The following EPB41L5 variants were observed in gnomAD, a reference collection of about 807,000 sequenced individuals.
The protein encoded by EPB41L5 is erythrocyte membrane protein band 4.1 like 5.
Under a neutral mutation model 106.6 loss-of-function variants are expected in EPB41L5, and 55 were observed. The observed-to-expected ratio is 0.52, with a 90% CI of 0.42 to 0.65. The LOEUF (loss-of-function observed/expected upper bound fraction) is 0.65. EPB41L5 is among the 30% of genes least tolerant of loss of function. The probability of loss-of-function intolerance (pLI) is 0.00; values close to 1 mark genes in which losing one functional copy is unlikely to be tolerated. For missense variants in EPB41L5, 871 were observed against 882.1 expected (o/e 0.99, Z 0.16); for synonymous variants, 297 against 306.7 (o/e 0.97, Z 0.33).
At chr2:120,055,832 A>G (rs186378679) in intron 3 of EPB41L5, among the ~76,000 whole-genome samples, 24 of 152,174 alleles carry the variant, frequency 1.6e-4, no homozygotes, top group Admixed American at 1.0e-3. Context: ...GAACGTGTTT[A>G]TTAGTTTTAA....
At chr2:120,095,919 C>G (rs1361527217) in intron 14 of EPB41L5, among the ~76,000 whole-genome samples, 1 of 152,146 alleles carries the variant, frequency 6.6e-6, no homozygotes, top group African/African-American at 2.4e-5. Flanking sequence ...ATCCGCCTGT[C>G]TCGGCCTCCC....
intron 16 of EPB41L5, among the ~76,000 whole-genome samples, chr2:120,122,412 G>T (rs1685260247): frequency 6.6e-6 from 1 of 152,162 alleles, no homozygotes; most frequent in Non-Finnish European, 1.5e-5. Flanking sequence ...AGTTTTCCCA[G>T]CACCGTTTAT....
chr2:120,074,080 T>G lies in EPB41L5; in HGVS notation c.329-20T>G, dbSNP rs1448411688. On this transcript the variant is annotated intron_variant, in intron 4 of 24. Coordinates refer to ENST00000263713, the MANE Select transcript of EPB41L5 (RefSeq NM_020909.4). Reference sequence around the variant, plus strand: ...TAAGTAGTTTATTTTATTAAAACCTTTTTTTTTTTTAAATGACAGTTGGTT... The same window carrying G: ...TAAGTAGTTTATTTTATTAAAACCTGTTTTTTTTTTAAATGACAGTTGGTT... 3 of 1,434,126 alleles carry G rather than the reference T, an allele frequency of 2.1e-6. No individual in the cohort carries two copies. In the East Asian group the frequency reaches 7.4e-5, roughly 36 times the overall value. 88.8% of individuals were successfully genotyped at this position (1,434,126 alleles called of 1,614,324 possible). A position where few individuals can be genotyped will look rare whatever the true frequency, so the allele number is the denominator to read the frequency against.
At chr2:120,062,288 AAC>A (rs1681136671) in intron 3 of EPB41L5, among the ~76,000 whole-genome samples, 1 of 152,224 alleles carries the variant, frequency 6.6e-6, no homozygotes, top group South Asian at 2.1e-4. Flanking sequence ...TGTATATTGT[AAC>A]ACACATATTT....
At chr2:120,092,470 A>G (rs1217180382) in intron 13 of EPB41L5, among the ~76,000 whole-genome samples, 1 of 152,242 alleles carries the variant, frequency 6.6e-6, no homozygotes, top group Non-Finnish European at 1.5e-5. Context: ...CTTGCTGATT[A>G]AGATCAGTTA....
chr2:120,026,574 T>G lies in EPB41L5; in HGVS notation c.180+7310T>G, dbSNP rs555230401. 2.0e-4 allele frequency among the ~76,000 whole-genome samples: 30 copies of G among 152,272 alleles called. No homozygotes were observed. In the East Asian group the frequency reaches 5.6e-3, roughly 28 times the overall value. On this transcript the variant is annotated intron_variant, in intron 2 of 24. Coordinates refer to ENST00000263713, the MANE Select transcript of EPB41L5 (RefSeq NM_020909.4). ...AGTAGAGACGGGATTTCACCATGTT[T>G]GCCAGGCTAGTCTTGAACTCCTGAC...
In EPB41L5 at chr2:120,090,482, G is replaced by C. The variant is rs755549330; in HGVS notation, c.1009G>C (p.Gly337Arg). 1 of 1,613,120 alleles carries C rather than the reference G, an allele frequency of 6.2e-7. No homozygotes were observed. Among genetic ancestry groups the C allele is most frequent in the Non-Finnish European group, 8.5e-7 (1 of 1,179,624 alleles). Residue 337 changes from glycine (G) to arginine (R), a missense_variant, in exon 12 of 25, where the codon GGA becomes CGA. Coordinates refer to ENST00000263713, the MANE Select transcript of EPB41L5 (RefSeq NM_020909.4). ...GPVQKSSHRS[G>R]FIRLGSRFRY... The stretch of plus-strand genomic sequence containing the variant: ...CGTCCAAAAGAGTTCTCATCGATCA[G>C]GATTTATTCGACTAGGATCACGATT...
At chr2:120,143,181 T>C in intron 19 of EPB41L5, 50 bp downstream of exon 19, 1 of 1,481,478 alleles carries the variant, frequency 6.8e-7, no homozygotes, top group Non-Finnish European at 9.0e-7. Flanking sequence ...GAGCATGGGA[T>C]GTAGAGAGTT....
Position 120,042,030 on chromosome 2 carries a change from T to C in EPB41L5, c.205T>C (p.Phe69Leu). Residue 69 changes from phenylalanine to leucine, a missense_variant, in exon 3 of 25, where the codon TTT (phenylalanine) becomes CTT (leucine). Coordinates refer to ENST00000263713, the MANE Select transcript of EPB41L5 (RefSeq NM_020909.4). The stretch of plus-strand genomic sequence containing the variant: ...GAAAAAAGCCAAAGGACAAGAGTTG[T>C]TTGATCAGATTATGTACCACCTGGA... ...LPKKAKGQELFDQIMYHLDLI... is the reference protein window; with the variant it reads ...LPKKAKGQELLDQIMYHLDLI... 6.2e-7 allele frequency: 1 copy of C among 1,612,272 alleles called. No individual in the cohort carries two copies. Among genetic ancestry groups the C allele is most frequent in the South Asian group, 1.1e-5 (1 of 90,708 alleles).
intron 14 of EPB41L5, among the ~76,000 whole-genome samples, chr2:120,099,125 G>A (rs9636356): frequency 0.64 from 97,823 of 152,064 alleles, 32,631 homozygotes; most frequent in Middle Eastern, 0.74. Context: ...CAGTGCTGTC[G>A]TTAAATCTGT....
intron 23 of EPB41L5, 107 bp from the exon 24 acceptor site, chr2:120,167,770 C>T: frequency 7.3e-7 from 1 of 1,360,626 alleles, no homozygotes; most frequent in Non-Finnish European, 1.0e-6. Flanking sequence ...ATTATCAAAA[C>T]CATCTTCGTT....
chr2:120,038,389 G>A (rs952952010), intron 2 of EPB41L5, among the ~76,000 whole-genome samples: 32 of 152,304 alleles, frequency 2.1e-4, no homozygotes, highest in African/African-American at 6.3e-4. Flanking sequence ...ATGTTGGCAA[G>A]GATGTGGAAG....
At chr2:120,161,588 T>C (rs1687143133) in intron 21 of EPB41L5, among the ~76,000 whole-genome samples, 1 of 152,198 alleles carries the variant, frequency 6.6e-6, no homozygotes, top group African/African-American at 2.4e-5. Flanking sequence ...TAAGTGCTTC[T>C]TAGATGAAAG....
chr2:120,123,006 A>G (rs1322311195), intron 16 of EPB41L5, among the ~76,000 whole-genome samples: 1 of 152,052 alleles, frequency 6.6e-6, no homozygotes, highest in African/African-American at 2.4e-5. Context: ...TTACACATTG[A>G]TTTTTGTATC....
chr2:120,126,066 GT>G (rs1418112616), intron 16 of EPB41L5, among the ~76,000 whole-genome samples: 1 of 152,078 alleles, frequency 6.6e-6, no homozygotes, highest in Non-Finnish European at 1.5e-5. Flanking sequence ...AAGAATATCA[GT>G]CATAGCGGAT....
chr2:120,175,078 T>C lies in EPB41L5; in HGVS notation c.*171T>C. On this transcript the variant is annotated 3_prime_UTR_variant, in exon 25 of 25. Coordinates refer to ENST00000263713, the MANE Select transcript of EPB41L5 (RefSeq NM_020909.4). Reference sequence around the variant, plus strand: ...GCTGTATTTTCCGTCCAACTGGAATTGTTGAATCACACTGCATAGCTGCCC... The same window carrying C: ...GCTGTATTTTCCGTCCAACTGGAATCGTTGAATCACACTGCATAGCTGCCC... 1 of 662,968 alleles carries C rather than the reference T, an allele frequency of 1.5e-6. No homozygotes were observed. The highest frequency in any genetic ancestry group is 1.7e-5 in the South Asian group (1 of 59,126). The allele number at this position is 662,968 out of a possible 1,614,324, so 41.1% of individuals were successfully genotyped here.
intron 3 of EPB41L5, among the ~76,000 whole-genome samples, chr2:120,047,501 A>C (rs1167919608): frequency 6.6e-6 from 1 of 151,940 alleles, no homozygotes; most frequent in Non-Finnish European, 1.5e-5. Flanking sequence ...TGATTTTTGC[A>C]CATTGATTTT....
intron 3 of EPB41L5, among the ~76,000 whole-genome samples, chr2:120,054,811 G>T (rs1286293468): frequency 4.0e-5 from 6 of 150,696 alleles, no homozygotes; most frequent in Non-Finnish European, 8.8e-5. Context: ...CTATAGATAT[G>T]TGGGTTTATT....
chr2:120,073,018 C>T (rs1479157124), intron 3 of EPB41L5, among the ~76,000 whole-genome samples, 160 bp from the exon 4 acceptor site: 1 of 151,638 alleles, frequency 6.6e-6, no homozygotes, highest in Non-Finnish European at 1.5e-5. Context: ...GCTAGATACT[C>T]TTCCTTCTCA....
Sources: gnomAD v4.1 joint callset for allele counts (sites outside exome capture counted in the v4.1 genomes callset) on GRCh38, gnomAD v4.1.1 for gene constraint, MANE v1.5 for transcripts, NCBI Gene and HGNC (gene_info 2026-07-23, HGNC 2026-07-21) for gene names.